Variants in ADAMTS13 observed in about 807,000 individuals in gnomAD.
ADAMTS13 encodes the protein ADAM metallopeptidase with thrombospondin type 1 motif 13, also known as A disintegrin and metalloproteinase with thrombospondin motifs 13.
ADAMTS13 carries 110 observed loss-of-function variants against 155.1 expected under a neutral mutation model. The observed-to-expected ratio is 0.71, with a 90% CI of 0.61 to 0.83. The LOEUF (loss-of-function observed/expected upper bound fraction) is 0.83. Ranked by LOEUF, ADAMTS13 falls within the 40% of genes least tolerant of loss-of-function variation. The pLI is 0.00. For synonymous variants in ADAMTS13, 758 were observed against 756.4 expected (o/e 1.00, Z -0.03); for missense variants, 1,707 against 1,891.7 (o/e 0.90, Z 1.81).
chr9:133,447,623 C>G (rs1015182123), intron 21 of ADAMTS13, among the ~76,000 whole-genome samples: 2 of 150,768 alleles, frequency 1.3e-5, no homozygotes, highest in African/African-American at 2.4e-5. Context: ...GAGTTTTCCT[C>G]TGTCGCCCAG....
chr9:133,449,867 G>A lies in ADAMTS13; in HGVS notation c.2946G>A (p.Gly982=). The part of the protein sequence containing the change: ...RRILYCARAH[G]EDDGEEILLD... The stretch of plus-strand genomic sequence containing the variant: ...TCCTGTATTGTGCCCGGGCCCATGG[G>A]GAGGACGATGGTGAGGAGATCCTGT... Residue 982 remains glycine (G), a synonymous_variant, in exon 23 of 29, where the codon GGG becomes GGA. Coordinates refer to ENST00000355699, the MANE Select transcript of ADAMTS13 (RefSeq NM_139027.6). 1.2e-6 allele frequency: 2 copies of A among 1,614,072 alleles called. No individual in the cohort carries two copies. The highest frequency in any genetic ancestry group is 8.5e-7 in the Non-Finnish European group (1 of 1,180,024).
Position 133,436,916 on chromosome 9 carries a change from T to C in ADAMTS13, c.1396T>C (p.Ser466Pro). 1 of 1,591,078 alleles carries C rather than the reference T, an allele frequency of 6.3e-7. No homozygotes were observed. The highest frequency in any genetic ancestry group is 2.3e-5 in the East Asian group (1 of 44,104). The stretch of plus-strand genomic sequence containing the variant: ...GCTGCGCTCCTCCCCTGGCGGCGCC[T>C]CCTTCTACCACTGGGGTGCTGCTGT... ...QPLRSSPGGA[S>P]FYHWGAAVPH... The change falls in exon 12 of 29, where the codon TCC becomes CCC. Residue 466 changes from serine (S) to proline (P), a missense_variant. Transcript: ENST00000355699.
At chr9:133,415,431 T>G (rs1554781372) in intron 1 of ADAMTS13, among the ~76,000 whole-genome samples, 1 of 151,850 alleles carries the variant, frequency 6.6e-6, no homozygotes, top group African/African-American at 2.4e-5. Flanking sequence ...TTTTACAAGA[T>G]TCCCTGGTTT....
Position 133,424,274 on chromosome 9 carries a change from C to T in ADAMTS13, c.173-47C>T, listed in dbSNP as rs1554784515. 2 of 1,606,392 alleles carry T rather than the reference C, an allele frequency of 1.2e-6. No individual in the cohort carries two copies. Among genetic ancestry groups the T allele is most frequent in the Admixed American group, 1.7e-5 (1 of 60,006 alleles). ...CCCCTTTCCTGTTAGCTTTCCACTG[C>T]TTGCTCTCTAGAACCATCGCCCTCT... is the stretch of plus-strand genomic sequence containing the variant. On this transcript the variant is annotated intron_variant, in intron 2 of 28. Coordinates refer to ENST00000355699, the MANE Select transcript of ADAMTS13 (RefSeq NM_139027.6). The surrounding 1 kb of genome is among the most constrained non-coding windows in gnomAD (Gnocchi z 4.3).
intron 21 of ADAMTS13, among the ~76,000 whole-genome samples, chr9:133,447,659 G>C (rs1554793043): frequency 6.6e-6 from 1 of 151,906 alleles, no homozygotes; most frequent in African/African-American, 2.4e-5. Context: ...TGTGATCTTG[G>C]CTCACTGCAA....
exon 1 of ADAMTS13, chr9:133,414,413 G>C (rs1383161030): frequency 1.5e-6 from 1 of 675,396 alleles, no homozygotes; most frequent in South Asian, 1.5e-5. Flanking sequence ...GCTTCAGCAC[G>C]CTTTCCTTCC....
chr9:133,415,038 GC>G, intron 1 of ADAMTS13: 1 of 1,551,176 alleles, frequency 6.4e-7, no homozygotes, highest in Non-Finnish European at 8.7e-7. Flanking sequence ...AATACATGCT[GC>G]ATTTGAATTT....
Position 133,424,673 on chromosome 9 carries a change from A to G in ADAMTS13, c.330+195A>G, listed in dbSNP as rs1487836301. Among the ~76,000 whole-genome samples the G allele has an allele frequency of 6.6e-6, 1 of 151,970 alleles. No homozygotes were observed. The highest frequency in any genetic ancestry group is 1.5e-5 in the Non-Finnish European group (1 of 67,994). On this transcript the variant is annotated intron_variant, in intron 3 of 28. Transcript: ENST00000355699. The surrounding 1 kb of genome is among the most constrained non-coding windows in gnomAD (Gnocchi z 4.3). ...ACACCCTCTCTAGGCTCCATGGCAC[A>G]TGCACACCCTGCAGCCTCTCACTAC...
chr9:133,455,888 C>T (rs140063440), intron 25 of ADAMTS13, 181 bp from the exon 26 acceptor site: 115 of 841,946 alleles, frequency 1.4e-4, no homozygotes, highest in African/African-American at 1.1e-3. Flanking sequence ...GCCCTGTGCC[C>T]TGAGGGTGAT....
In ADAMTS13 at chr9:133,456,086, C is replaced by T. The variant is rs1246548148; in HGVS notation, c.3418C>T (p.His1140Tyr). The T allele has an allele frequency of 6.2e-7, 1 of 1,613,116 alleles. No individual in the cohort carries two copies. The highest frequency in any genetic ancestry group is 1.3e-5 in the African/African-American group (1 of 74,944). The change falls in exon 26 of 29, where the codon CAC (histidine) becomes TAC (tyrosine). Residue 1140 changes from histidine (H) to tyrosine (Y), a missense_variant. Coordinates refer to ENST00000355699, the MANE Select transcript of ADAMTS13 (RefSeq NM_139027.6). The surrounding 1 kb of genome is among the most constrained non-coding windows in gnomAD (Gnocchi z 4.4). ...CVGQGACGRQ[H>Y]LEPTGTIDMR... Reference sequence around the variant, plus strand: ...CTTTTCAGGTGCCTGTGGCAGGCAGCACCTTGAGCCAACAGGAACCATTGA... The same window carrying T: ...CTTTTCAGGTGCCTGTGGCAGGCAGTACCTTGAGCCAACAGGAACCATTGA...
At chr9:133,419,129 C>T (rs931052332), upstream of ADAMTS13, among the ~76,000 whole-genome samples, 2 of 152,100 alleles carry the variant, frequency 1.3e-5, no homozygotes, top group African/African-American at 2.4e-5. Flanking sequence ...TGTGAGCCAC[C>T]GTGCCCGGCC....
chr9:133,417,496 G>C, upstream of ADAMTS13: 1 of 1,006,352 alleles, frequency 9.9e-7, no homozygotes, highest in Non-Finnish European at 1.5e-6. Flanking sequence ...GTGAAAAGCT[G>C]TTTACAAGAT....
At chr9:133,455,090 T>C (rs944703766) in intron 24 of ADAMTS13, among the ~76,000 whole-genome samples, 195 bp from the exon 25 acceptor site, 2 of 152,156 alleles carry the variant, frequency 1.3e-5, no homozygotes, top group African/African-American at 2.4e-5. Context: ...ACTTGAATTA[T>C]GGCTCCTCCC....
At chr9:133,447,481 C>T (rs1045141007) in intron 21 of ADAMTS13, among the ~76,000 whole-genome samples, 3 of 152,138 alleles carry the variant, frequency 2.0e-5, no homozygotes, top group South Asian at 2.1e-4. Context: ...CTATGTTGCC[C>T]AGCCTGATCT....
chr9:133,436,989 G>A, intron 12 of ADAMTS13, 34 bp downstream of exon 12: 2 of 1,581,294 alleles, frequency 1.3e-6, no homozygotes, highest in Admixed American at 1.8e-5. Context: ...TGGGGGAGGA[G>A]CCAGCCCTGG....
chr9:133,427,788 G>C (rs1173773884), intron 6 of ADAMTS13, among the ~76,000 whole-genome samples: 4 of 139,102 alleles, frequency 2.9e-5, no homozygotes, highest in African/African-American at 1.0e-4. Flanking sequence ...CAGCTCAAAG[G>C]CAGGGCTGCA....
exon 1 of ADAMTS13, chr9:133,414,586 C>T: frequency 1.6e-6 from 2 of 1,280,838 alleles, no homozygotes; most frequent in South Asian, 1.2e-5. Flanking sequence ...TGCGGTGAGG[C>T]CACCAGCCTC....
rs1158334821 is a variant in ADAMTS13, at chr9:133,455,926, G to GTCCTGAGAAGGCT, written c.3401-139_3401-127dup. The GTCCTGAGAAGGCT allele has an allele frequency of 1.9e-5, 21 of 1,114,646 alleles. No individual in the cohort carries two copies. In the Admixed American group the frequency reaches 2.5e-4, roughly 13 times the overall value. 69.0% of individuals were successfully genotyped at this position (1,114,646 alleles called of 1,614,324 possible). On this transcript the variant is annotated intron_variant, in intron 25 of 28. Transcript: ENST00000355699. ...TCTGACCTATGCAGCCCCCCTCCCT[G>GTCCTGAGAAGGCT]TCCTGAGAAGGCTTCCAGCTGGGCC... is the stretch of plus-strand genomic sequence containing the variant.
In ADAMTS13 at chr9:133,425,205, ATC is replaced by A. The variant is rs1840201179; in HGVS notation, c.331-322_331-321del. 6.6e-6 allele frequency among the ~76,000 whole-genome samples: 1 copy of A among 152,188 alleles called. No individual in the cohort carries two copies. Among genetic ancestry groups the A allele is most frequent in the Admixed American group, 6.5e-5 (1 of 15,286 alleles). ...CTGGGCATGGTGGCAGGCGCCTGTA[ATC>A]TGAGAGGAGCCTGCGATCTGAGAGG... On this transcript the variant is annotated intron_variant, in intron 3 of 28. Transcript: ENST00000355699. The surrounding 1 kb of genome is among the most constrained non-coding windows in gnomAD (Gnocchi z 4.6).
Sources: gnomAD v4.1 joint callset for allele counts (sites outside exome capture counted in the v4.1 genomes callset) on GRCh38, gnomAD v4.1.1 for gene constraint, Gnocchi (gnomAD v3.1) non-coding constraint, MANE v1.5 for transcripts, NCBI Gene and HGNC (gene_info 2026-07-23, HGNC 2026-07-21) for gene names.